PREX1: variants seen among roughly 807,000 people sequenced by gnomAD.
The protein encoded by PREX1 is phosphatidylinositol-3,4,5-trisphosphate dependent Rac exchange factor 1.
PREX1 carries 41 observed loss-of-function variants against 198.3 expected under a neutral mutation model. The ratio of observed to expected loss-of-function variants is 0.21; its 90% CI spans 0.16 to 0.27. The LOEUF (loss-of-function observed/expected upper bound fraction) is 0.27. Ranked by LOEUF, PREX1 falls within the 10% of genes least tolerant of loss-of-function variation. PREX1 has a pLI of 1.00. For missense variants in PREX1, 1,620 were observed against 2,200.7 expected (o/e 0.74, Z 5.28); for synonymous variants, 843 against 887.2 (o/e 0.95, Z 0.89).
At chr20:48,848,520 G>A in the PREX1 span, among the ~76,000 whole-genome samples, 1 of 151,980 alleles carries the variant, frequency 6.6e-6, no homozygotes, top group African/African-American at 2.4e-5. Context: ...TCCTCCCAAA[G>A]TGCTAGGATT....
At chr20:48,639,712 C>G (rs2089393400) in intron 30 of PREX1, 54 bp downstream of exon 30, 3 of 1,597,084 alleles carry the variant, frequency 1.9e-6, no homozygotes, top group Middle Eastern at 1.9e-4. Context: ...TCAGGTTCCA[C>G]ACCAAAAGCC....
the PREX1 span, among the ~76,000 whole-genome samples, chr20:48,835,436 G>A: frequency 6.6e-6 from 1 of 152,204 alleles, no homozygotes; most frequent in Admixed American, 6.5e-5. Flanking sequence ...CCAGATCATG[G>A]TAAGAGTTAC....
At chr20:48,862,216 G>A in the PREX1 span, among the ~76,000 whole-genome samples, 1 of 151,402 alleles carries the variant, frequency 6.6e-6, no homozygotes, top group African/African-American at 2.4e-5. Context: ...CTCAACAAAA[G>A]AAAAAATAAA....
In PREX1 at chr20:48,809,616, T is replaced by A. The variant is rs145616711; in HGVS notation, c.219+18026A>T. ...GTAGCAATGCCATTGTCTTTATTATTGTTCTTGTTATTTCAAAATCTTCAA... is the reference window on the plus strand; with the variant it reads ...GTAGCAATGCCATTGTCTTTATTATAGTTCTTGTTATTTCAAAATCTTCAA... On this transcript the variant is annotated intron_variant, in intron 1 of 39. Transcript: ENST00000371941. 1.4e-4 allele frequency among the ~76,000 whole-genome samples: 21 copies of A among 152,344 alleles called. 1 individual carries two copies. In the East Asian group the frequency reaches 4.0e-3, roughly 29 times the overall value.
At chr20:48,843,124 A>G in the PREX1 span, among the ~76,000 whole-genome samples, 2 of 152,194 alleles carry the variant, frequency 1.3e-5, no homozygotes, top group African/African-American at 4.8e-5. Flanking sequence ...TAGAATTCTA[A>G]TTCCTCAAAT....
intron 27 of PREX1, 25 bp from the exon 28 acceptor site, chr20:48,642,514 C>T: frequency 2.5e-6 from 4 of 1,588,824 alleles, no homozygotes; most frequent in Non-Finnish European, 2.6e-6. Flanking sequence ...AAGCAGCAGC[C>T]ATCAGTCATT....
rs2089480709 is a variant in PREX1, at chr20:48,650,022, G to A, written c.3002C>T (p.Ser1001Phe). Residue 1001 changes from serine (S) to phenylalanine (F), a missense_variant, in exon 24 of 40, where the codon TCC becomes TTC. Transcript: ENST00000371941. ...TTGCTCCGGGTCAAGGCCGATGAGG[G>A]AGGGTTTGCGTCCAAAGCGGATGCT... The part of the protein sequence containing the change: ...SFSIRFGRKP[S>F]LIGLDPEQGH... 1 of 1,614,222 alleles carries A rather than the reference G, an allele frequency of 6.2e-7. No individual in the cohort carries two copies. Among genetic ancestry groups the A allele is most frequent in the Non-Finnish European group, 8.5e-7 (1 of 1,180,050 alleles).
the PREX1 span, among the ~76,000 whole-genome samples, chr20:48,877,357 A>C: frequency 0.32 from 48,643 of 152,094 alleles, 8,043 homozygotes; most frequent in African/African-American, 0.39. Flanking sequence ...TCAGGCATGG[A>C]TAGATCTAGG....
chr20:48,736,287 C>G (rs2090056831), intron 3 of PREX1, among the ~76,000 whole-genome samples: 1 of 152,208 alleles, frequency 6.6e-6, no homozygotes, highest in Middle Eastern at 3.4e-3. Flanking sequence ...CACAGTGCAC[C>G]CCCATACACA....
intron 4 of PREX1, among the ~76,000 whole-genome samples, chr20:48,726,684 G>A (rs936659217): frequency 1.3e-5 from 2 of 152,150 alleles, no homozygotes; most frequent in African/African-American, 4.8e-5. Context: ...GGAAAAAAAG[G>A]CCATATAGTG....
At chr20:48,803,756 G>C (rs546805996) in intron 1 of PREX1, among the ~76,000 whole-genome samples, 1 of 152,186 alleles carries the variant, frequency 6.6e-6, no homozygotes, top group African/African-American at 2.4e-5. Flanking sequence ...TGACCCAGGC[G>C]TGGGCAATCA....
At chr20:48,695,096 G>A (rs999141441) in intron 7 of PREX1, among the ~76,000 whole-genome samples, 2 of 151,982 alleles carry the variant, frequency 1.3e-5, no homozygotes, top group Non-Finnish European at 2.9e-5. Flanking sequence ...ATTAACTTTT[G>A]CAAGTGAACA....
chr20:48,679,406 C>T lies in PREX1; in HGVS notation c.1543G>A (p.Val515Met). Residue 515 changes from valine (V) to methionine (M), a missense_variant, in exon 13 of 40, where the codon GTG (valine) becomes ATG (methionine). Val to Met is a conservative substitution (Grantham distance 21, BLOSUM62 1). This residue lies in a region of PREX1 where 488 missense variants were observed against 802.5 expected (regional missense o/e 0.61). Coordinates refer to ENST00000371941, the MANE Select transcript of PREX1 (RefSeq NM_020820.4). ...SELEDIMSKG[V>M]RLYCRLHSLY... ...CTGTGAAGACGGCAGTAAAGCCTCA[C>T]ACCCTGAAAGAAAAAAGGGGAGGAA... The T allele has an allele frequency of 1.2e-6, 2 of 1,613,250 alleles. No individual in the cohort carries two copies. Among genetic ancestry groups the T allele is most frequent in the Admixed American group, 1.7e-5 (1 of 59,932 alleles).
At chr20:48,663,353 C>T (rs1177039140) in intron 15 of PREX1, among the ~76,000 whole-genome samples, 1 of 152,196 alleles carries the variant, frequency 6.6e-6, no homozygotes, top group Non-Finnish European at 1.5e-5. Flanking sequence ...TCCAGCAGGC[C>T]GACCAGGGCT....
the PREX1 span, among the ~76,000 whole-genome samples, chr20:48,836,322 C>G: frequency 6.6e-6 from 1 of 152,088 alleles, no homozygotes; most frequent in East Asian, 1.9e-4. Context: ...CGAGATCACC[C>G]AGGGAGGGTA....
At chr20:48,627,643 C>T in intron 38 of PREX1, 28 bp from the exon 39 acceptor site, 2 of 1,609,300 alleles carry the variant, frequency 1.2e-6, no homozygotes, top group Non-Finnish European at 1.7e-6. Context: ...CAGGCAGGGG[C>T]CTCTGCAGGT....
At chr20:48,833,095 G>A in the PREX1 span, among the ~76,000 whole-genome samples, 2 of 152,190 alleles carry the variant, frequency 1.3e-5, no homozygotes, top group Admixed American at 1.3e-4. Context: ...TCTGTAAAAT[G>A]GGGTCAGTAA....
At chr20:48,788,543 A>T (rs932434557) in intron 1 of PREX1, among the ~76,000 whole-genome samples, 2 of 152,150 alleles carry the variant, frequency 1.3e-5, no homozygotes, top group Admixed American at 6.5e-5. Context: ...GATGAAGCCA[A>T]TTCTTTGTAC....
chr20:48,862,207 T>C, the PREX1 span, among the ~76,000 whole-genome samples: 1 of 151,742 alleles, frequency 6.6e-6, no homozygotes, highest in Non-Finnish European at 1.5e-5. Context: ...AGACTCTGTC[T>C]CAACAAAAGA....
Sources: gnomAD v4.1 joint callset for allele counts (sites outside exome capture counted in the v4.1 genomes callset) on GRCh38, gnomAD v4.1.1 for gene constraint, gnomAD v4.1.1 regional missense constraint, MANE v1.5 for transcripts, NCBI Gene and HGNC (gene_info 2026-07-23, HGNC 2026-07-21) for gene names.